WWOX: variants seen among roughly 807,000 people sequenced by gnomAD.
WWOX encodes WW domain-containing oxidoreductase.
Under a neutral mutation model 46.2 loss-of-function variants are expected in WWOX, and 69 were observed. That is an observed-to-expected ratio of 1.49 (90% CI 1.23 to 1.82). WWOX has a LOEUF of 1.82. WWOX is among the 40% of genes most tolerant of loss of function. WWOX has a pLI of 0.00. For synonymous variants in WWOX, 359 were observed against 202.6 expected, an observed-to-expected ratio of 1.77 and a Z score of -6.56; for missense variants, 919 against 542.6, an observed-to-expected ratio of 1.69 and a Z score of -6.89.
At position 78,297,744 on chromosome 16, in the gene WWOX, C is replaced by T. The variant is rs565776528; in HGVS notation, c.517-89116C>T. On this transcript the variant is annotated intron_variant, in intron 5 of 8. Coordinates refer to ENST00000566780, the MANE Select transcript of WWOX (RefSeq NM_016373.4). ...ATGGAGACCTATGCATGGTGGAATA[C>T]AAAAGTCATGACCTGTCTTTATATC... 2.6e-5 allele frequency among the ~76,000 whole-genome samples: 4 copies of T among 152,234 alleles called. No homozygotes were observed. The East Asian group carries it at 5.8e-4, about 22-fold the overall frequency.
chr16:78,298,040 C>T (rs1274351398), intron 5 of WWOX, among the ~76,000 whole-genome samples: 2 of 152,158 alleles, frequency 1.3e-5, no homozygotes, highest in African/African-American at 4.8e-5. Flanking sequence ...GGCTTTTCCC[C>T]ACTTTGCTCT....
intron 8 of WWOX, among the ~76,000 whole-genome samples, chr16:78,433,711 A>G (rs1393744997): frequency 1.3e-5 from 2 of 150,632 alleles, no homozygotes; most frequent in Non-Finnish European, 2.9e-5. Flanking sequence ...GACCTTGGAA[A>G]CTGTCTGCTG....
At chr16:78,241,380 G>A (rs552795168) in intron 5 of WWOX, among the ~76,000 whole-genome samples, 78 of 151,866 alleles carry the variant, frequency 5.1e-4, no homozygotes, top group Non-Finnish European at 9.9e-4. Flanking sequence ...CCTTGTTCCA[G>A]CCTTGATGGT....
intron 8 of WWOX, among the ~76,000 whole-genome samples, chr16:78,761,029 C>T (rs947730408): frequency 1.3e-5 from 2 of 152,090 alleles, no homozygotes; most frequent in Non-Finnish European, 2.9e-5. Context: ...CCCCATGATT[C>T]AGTTATCTCC....
intron 4 of WWOX, among the ~76,000 whole-genome samples, chr16:78,160,517 C>T (rs1039893018): frequency 4.6e-5 from 7 of 152,064 alleles, no homozygotes; most frequent in Admixed American, 2.0e-4. Flanking sequence ...TTGTAATTAC[C>T]GAGTTTAAAA....
chr16:78,661,889 A>G (rs1294383532), intron 8 of WWOX, among the ~76,000 whole-genome samples: 1 of 152,192 alleles, frequency 6.6e-6, no homozygotes, highest in Non-Finnish European at 1.5e-5. Context: ...CAAAAAATAC[A>G]AAAAATCAGC....
chr16:78,410,073 T>C (rs1048919631), intron 6 of WWOX, among the ~76,000 whole-genome samples: 3 of 152,190 alleles, frequency 2.0e-5, no homozygotes, highest in African/African-American at 4.8e-5. Context: ...GCCATCCCTT[T>C]GGTGATAAGT....
intron 5 of WWOX, among the ~76,000 whole-genome samples, chr16:78,300,484 C>T (rs996360574): frequency 1.3e-5 from 2 of 151,522 alleles, no homozygotes; most frequent in African/African-American, 4.8e-5. Context: ...CCATGCCTGT[C>T]CTCCCTCCCT....
chr16:79,047,651 CTT>C (rs1403112966), intron 8 of WWOX, among the ~76,000 whole-genome samples: 1 of 136,526 alleles, frequency 7.3e-6, no homozygotes, highest in East Asian at 2.1e-4. Context: ...AACTGGGTGA[CTT>C]TCTCCTGAGA....
intron 8 of WWOX, among the ~76,000 whole-genome samples, chr16:78,653,590 C>G (rs948102804): frequency 1.3e-4 from 20 of 152,366 alleles, no homozygotes; most frequent in Non-Finnish European, 7.3e-5. Flanking sequence ...CTGGCGCAGC[C>G]TGGACTAGCA....
chr16:78,613,965 C>T (rs1597349316), intron 8 of WWOX, among the ~76,000 whole-genome samples: 2 of 152,196 alleles, frequency 1.3e-5, no homozygotes, highest in African/African-American at 4.8e-5. Context: ...ACTGCGATGG[C>T]TGCTTTCAGC....
intron 5 of WWOX, among the ~76,000 whole-genome samples, chr16:78,273,854 T>G (rs1226529879): frequency 6.6e-6 from 1 of 152,202 alleles, no homozygotes; most frequent in Non-Finnish European, 1.5e-5. Context: ...GGAGTCCTTT[T>G]CAGTCATACT....
At chr16:78,963,546 G>T (rs1322013080) in intron 8 of WWOX, among the ~76,000 whole-genome samples, 1 of 152,216 alleles carries the variant, frequency 6.6e-6, no homozygotes, top group Non-Finnish European at 1.5e-5. Context: ...CACTTAAGCA[G>T]GTGTGTCATC....
intron 5 of WWOX, among the ~76,000 whole-genome samples, chr16:78,379,870 C>G (rs549750158): frequency 6.6e-6 from 1 of 152,138 alleles, no homozygotes; most frequent in Non-Finnish European, 1.5e-5. Flanking sequence ...GTTTTTTCTC[C>G]TCCCATTATT....
chr16:79,041,643 C>G (rs2047973571), intron 8 of WWOX, among the ~76,000 whole-genome samples: 1 of 152,120 alleles, frequency 6.6e-6, no homozygotes, highest in Non-Finnish European at 1.5e-5. Context: ...AGCAGGCCAC[C>G]AAGAGCCATC....
chr16:78,583,280 C>G (rs951035823), intron 8 of WWOX, among the ~76,000 whole-genome samples: 1 of 152,140 alleles, frequency 6.6e-6, no homozygotes, highest in African/African-American at 2.4e-5. Context: ...TCTCTTGGCC[C>G]TCCTTAGAGT....
intron 5 of WWOX, among the ~76,000 whole-genome samples, chr16:78,369,883 A>C (rs897308047): frequency 1.3e-5 from 2 of 152,120 alleles, no homozygotes; most frequent in African/African-American, 2.4e-5. Flanking sequence ...CTGTAATCCC[A>C]GCACTTTGGG....
chr16:78,327,847 G>T (rs1410775673), intron 5 of WWOX, among the ~76,000 whole-genome samples: 1 of 147,384 alleles, frequency 6.8e-6, no homozygotes, highest in East Asian at 2.0e-4. Context: ...CATTAGGAAT[G>T]AGCTAGCCTG....
chr16:78,100,049 G>A lies in WWOX; in HGVS notation c.107+164G>A, dbSNP rs568082303. ...AAAGGGTCCAGGGTTCCCAGTAGGG[G>A]CCGGCCCCCTTGGTGGGCCTCGGGT... is the stretch of plus-strand genomic sequence containing the variant. On this transcript the variant is annotated intron_variant, in intron 1 of 8. Coordinates refer to ENST00000566780, the MANE Select transcript of WWOX (RefSeq NM_016373.4). 4.2e-6 allele frequency: 6 copies of A among 1,417,046 alleles called. No homozygotes were observed. The South Asian group carries it at 6.2e-5, about 15-fold the overall frequency. The allele number at this position is 1,417,046 out of a possible 1,614,324, so 87.8% of individuals were successfully genotyped here. A position where few individuals can be genotyped will look rare whatever the true frequency, so the allele number is the denominator to read the frequency against.
Sources: allele counts gnomAD v4.1 joint callset (sites outside exome capture counted in the v4.1 genomes callset), GRCh38; gene constraint gnomAD v4.1.1; transcripts MANE v1.5; gene names NCBI Gene and HGNC (gene_info 2026-07-23, HGNC 2026-07-21).